Variants in ANO4 observed in about 807,000 individuals in gnomAD.
ANO4 encodes the protein anoctamin 4, also known as anoctamin-4.
Under a neutral mutation model 141.9 loss-of-function variants are expected in ANO4, and 69 were observed. The ratio of observed to expected loss-of-function variants is 0.49; its 90% CI spans 0.40 to 0.59. The LOEUF (loss-of-function observed/expected upper bound fraction) is 0.59, where lower values mean the gene tolerates loss of function less well. Among genes scored for constraint, ANO4 ranks in the 20% least tolerant of loss-of-function variants. ANO4 has a pLI of 0.00. For missense variants in ANO4, 894 were observed against 1,162.2 expected, an observed-to-expected ratio of 0.77 and a Z score of 3.36; for synonymous variants, 350 against 394.3, an observed-to-expected ratio of 0.89 and a Z score of 1.33.
At chr12:101,057,444 T>C (rs2048169821) in intron 14 of ANO4, among the ~76,000 whole-genome samples, 1 of 152,198 alleles carries the variant, frequency 6.6e-6, no homozygotes, top group African/African-American at 2.4e-5. Flanking sequence ...GTTTCCACAA[T>C]GATTGAACTA....
At chr12:100,877,697 C>T (rs879674381) in intron 1 of ANO4, among the ~76,000 whole-genome samples, 20 of 149,574 alleles carry the variant, frequency 1.3e-4, no homozygotes, top group African/African-American at 2.4e-4. Flanking sequence ...TCAACATCGT[C>T]GAGTGATGTT....
intron 17 of ANO4, among the ~76,000 whole-genome samples, chr12:101,089,090 G>A (rs1485657637): frequency 6.6e-6 from 1 of 151,934 alleles, no homozygotes. Flanking sequence ...TTTTCCAAAG[G>A]CCAACTAATT....
intron 1 of ANO4, among the ~76,000 whole-genome samples, chr12:100,847,613 A>G (rs894910131): frequency 1.3e-5 from 2 of 152,004 alleles, no homozygotes; most frequent in East Asian, 3.9e-4. Context: ...CTGGGACTAC[A>G]GGTGCCCACC....
chr12:101,119,933 G>A (rs2051013771), intron 25 of ANO4, among the ~76,000 whole-genome samples: 1 of 152,148 alleles, frequency 6.6e-6, no homozygotes, highest in Non-Finnish European at 1.5e-5. Flanking sequence ...ACTCAAAAGT[G>A]ATAGCTGGAG....
intron 1 of ANO4, among the ~76,000 whole-genome samples, chr12:100,725,487 C>G (rs907689029): frequency 6.6e-6 from 1 of 151,852 alleles, no homozygotes; most frequent in East Asian, 1.9e-4. Flanking sequence ...GCTGGGACTA[C>G]AGGCGCCCAC....
chr12:101,054,636 A>T (rs1309568042), intron 14 of ANO4, among the ~76,000 whole-genome samples: 1 of 152,158 alleles, frequency 6.6e-6, no homozygotes, highest in African/African-American at 2.4e-5. Context: ...AGTAGCTGGG[A>T]TTACAGGCGC....
intron 8 of ANO4, among the ~76,000 whole-genome samples, chr12:101,003,678 A>G (rs961737004): frequency 6.6e-6 from 1 of 152,166 alleles, no homozygotes; most frequent in Admixed American, 6.5e-5. Flanking sequence ...GTAATTGCAC[A>G]TATTTATATA....
intron 14 of ANO4, among the ~76,000 whole-genome samples, chr12:101,072,379 C>T (rs1376210953): frequency 6.6e-6 from 1 of 152,168 alleles, no homozygotes; most frequent in Non-Finnish European, 1.5e-5. Context: ...TATAATCAAA[C>T]TATGCCTAGG....
chr12:100,923,916 T>C (rs897519648), intron 3 of ANO4, among the ~76,000 whole-genome samples: 4 of 152,222 alleles, frequency 2.6e-5, no homozygotes, highest in Non-Finnish European at 4.4e-5. Flanking sequence ...CATGTGTCTG[T>C]TGGCTGTATA....
chr12:100,882,352 G>T (rs776106679), intron 1 of ANO4, among the ~76,000 whole-genome samples: 1 of 152,136 alleles, frequency 6.6e-6, no homozygotes, highest in Admixed American at 6.5e-5. Context: ...ATACATAATT[G>T]TGAATAACCA....
chr12:101,097,890 G>T lies in ANO4; in HGVS notation c.1951G>T (p.Gly651Cys). ...CCTTATTGATCTGTGTATGCAAATG[G>T]GTATTATAATGGTGCTAAAGCAGAC... ...GCLIDLCMQMGIIMVLKQTWN... is the reference protein window; with the variant it reads ...GCLIDLCMQMCIIMVLKQTWN... The change falls in exon 21 of 28, where the codon GGT (glycine) becomes TGT (cysteine). Residue 651 changes from glycine to cysteine, a missense_variant. Gly to Cys is a radical substitution (Grantham distance 159). Transcript: ENST00000392977. 6.2e-7 allele frequency: 1 copy of T among 1,613,842 alleles called. No individual in the cohort carries two copies. The highest frequency in any genetic ancestry group is 8.5e-7 in the Non-Finnish European group (1 of 1,179,828).
chr12:100,925,402 C>T (rs1235486309), intron 3 of ANO4, among the ~76,000 whole-genome samples: 2 of 151,776 alleles, frequency 1.3e-5, no homozygotes, highest in Non-Finnish European at 2.9e-5. Context: ...TGTTCAACTC[C>T]CACTTATAAG....
chr12:100,915,711 G>A (rs1440432831), intron 2 of ANO4, among the ~76,000 whole-genome samples: 2 of 152,094 alleles, frequency 1.3e-5, no homozygotes, highest in Non-Finnish European at 2.9e-5. Context: ...CTAACATGAT[G>A]GGCCAAATTA....
At chr12:100,970,631 C>A (rs1592877380) in intron 5 of ANO4, among the ~76,000 whole-genome samples, 1 of 146,468 alleles carries the variant, frequency 6.8e-6, no homozygotes, top group Non-Finnish European at 1.5e-5. Context: ...TCTGAGTCTT[C>A]CCTCCCTCCC....
chr12:100,785,980 G>C (rs1411042752), intron 3 of ANO4, among the ~76,000 whole-genome samples: 2 of 152,132 alleles, frequency 1.3e-5, no homozygotes, highest in African/African-American at 4.8e-5. Context: ...CAAAATATGA[G>C]CATGTCACAG....
intron 1 of ANO4, among the ~76,000 whole-genome samples, chr12:100,804,404 G>A (rs114162215): frequency 0.016 from 2,446 of 152,254 alleles, 56 homozygotes; most frequent in African/African-American, 0.056. Context: ...CAGTGCTGCA[G>A]TGAACAAATG....
chr12:100,964,735 T>C (rs1486190701), intron 5 of ANO4, among the ~76,000 whole-genome samples: 1 of 152,210 alleles, frequency 6.6e-6, no homozygotes, highest in Non-Finnish European at 1.5e-5. Flanking sequence ...GCTCTCTCCC[T>C]GTGTAATAGA....
intron 1 of ANO4, among the ~76,000 whole-genome samples, chr12:100,882,326 A>C (rs1422385308): frequency 6.6e-6 from 1 of 152,174 alleles, no homozygotes; most frequent in Non-Finnish European, 1.5e-5. Context: ...AACGTTTCTC[A>C]ATAATAACAC....
chr12:100,939,598 C>A, intron 4 of ANO4, 147 bp downstream of exon 4: 1 of 843,034 alleles, frequency 1.2e-6, no homozygotes, highest in Non-Finnish European at 1.7e-6. Context: ...CCTTTGACAT[C>A]CCCCATGTCT....
Sources: gnomAD v4.1 joint callset for allele counts (sites outside exome capture counted in the v4.1 genomes callset) on GRCh38, gnomAD v4.1.1 for gene constraint, MANE v1.5 for transcripts, NCBI Gene and HGNC (gene_info 2026-07-23, HGNC 2026-07-21) for gene names.